The following HIVEP3 variants were observed in gnomAD, a reference collection of about 807,000 sequenced individuals.
The protein encoded by HIVEP3 is transcription factor HIVEP3.
HIVEP3 carries 49 observed loss-of-function variants against 152.8 expected under a neutral mutation model. The ratio of observed to expected loss-of-function variants is 0.32; its 90% CI spans 0.26 to 0.41. HIVEP3 has a LOEUF of 0.41. HIVEP3 is among the 10% of genes least tolerant of loss of function. The probability of loss-of-function intolerance (pLI) is 1.00; values close to 1 mark genes in which losing one functional copy is unlikely to be tolerated. For synonymous variants in HIVEP3, 1,269 were observed against 1,289.0 expected (o/e 0.98, Z 0.33); for missense variants, 2,790 against 3,103.3 (o/e 0.90, Z 2.40).
intron 5 of HIVEP3, among the ~76,000 whole-genome samples, chr1:41,564,542 G>T (rs997394122): frequency 6.6e-6 from 1 of 152,132 alleles, no homozygotes; most frequent in African/African-American, 2.4e-5. Context: ...CCTAAGACAG[G>T]ACCCTAAAGA....
In HIVEP3 at chr1:41,732,557, G is replaced by T. The variant is rs569195324; in HGVS notation, c.-800-31562C>A. Among the ~76,000 whole-genome samples the T allele has an allele frequency of 1.8e-3, 280 of 152,132 alleles. 1 individual carries two copies. The highest frequency in any genetic ancestry group is 3.5e-3 in the South Asian group (17 of 4,824). ...AGGCAGGGGAAAGTAGCCTTGGGGTGGGGGGTGACAAAGGCCCTGCCTGAG... is the reference window on the plus strand; with the variant it reads ...AGGCAGGGGAAAGTAGCCTTGGGGTTGGGGGTGACAAAGGCCCTGCCTGAG... On this transcript the variant is annotated intron_variant, in intron 1 of 8. Transcript: ENST00000372583.
At chr1:41,633,419 T>G (rs1179970756) in intron 2 of HIVEP3, among the ~76,000 whole-genome samples, 1 of 151,894 alleles carries the variant, frequency 6.6e-6, no homozygotes, top group Admixed American at 6.6e-5. Context: ...CGGGCTGGAG[T>G]GGGGTCCTGA....
chr1:41,776,186 A>T (rs911506331), intron 1 of HIVEP3, among the ~76,000 whole-genome samples: 6 of 152,256 alleles, frequency 3.9e-5, no homozygotes, highest in Non-Finnish European at 5.9e-5. Context: ...CCATAAAAGA[A>T]AATCTTGTGG....
At chr1:41,609,039 A>G (rs554348204) in intron 3 of HIVEP3, among the ~76,000 whole-genome samples, 1 of 151,996 alleles carries the variant, frequency 6.6e-6, no homozygotes, top group East Asian at 1.9e-4. Context: ...AGCCTGGGCA[A>G]CAAGAGTGAA....
chr1:41,627,499 C>A (rs1311320860), intron 3 of HIVEP3, among the ~76,000 whole-genome samples: 1 of 152,138 alleles, frequency 6.6e-6, no homozygotes, highest in Non-Finnish European at 1.5e-5. Context: ...CTCAGGAGAA[C>A]CCTGGTCTAG....
intron 1 of HIVEP3, among the ~76,000 whole-genome samples, chr1:41,903,160 G>T (rs990990881): frequency 6.6e-6 from 1 of 152,162 alleles, no homozygotes; most frequent in African/African-American, 2.4e-5. Context: ...CCAACTCTGT[G>T]CTAGAAATGA....
At chr1:41,715,657 G>A (rs879469408) in intron 1 of HIVEP3, among the ~76,000 whole-genome samples, 2 of 152,214 alleles carry the variant, frequency 1.3e-5, no homozygotes, top group Non-Finnish European at 2.9e-5. Flanking sequence ...TCAGACTGGG[G>A]TCCCCAGGCC....
At chr1:42,025,833 G>A (rs925953320) in intron 1 of HIVEP3, among the ~76,000 whole-genome samples, 1 of 152,182 alleles carries the variant, frequency 6.6e-6, no homozygotes, top group Non-Finnish European at 1.5e-5. Flanking sequence ...ACTTTGGGAG[G>A]CTGAGCAGAA....
chr1:41,531,042 T>C (rs748132640), intron 5 of HIVEP3, among the ~76,000 whole-genome samples: 24 of 148,426 alleles, frequency 1.6e-4, no homozygotes, highest in Non-Finnish European at 2.8e-4. Flanking sequence ...ACAGGAGAGA[T>C]GGAGAATGGG....
At chr1:42,030,654 T>C (rs377346269) in intron 1 of HIVEP3, among the ~76,000 whole-genome samples, 26 of 152,284 alleles carry the variant, frequency 1.7e-4, no homozygotes, top group African/African-American at 6.3e-4. Flanking sequence ...CACATGTCGA[T>C]TATCGGTTTT....
At chr1:41,887,653 C>T (rs1644367806) in intron 1 of HIVEP3, among the ~76,000 whole-genome samples, 1 of 152,208 alleles carries the variant, frequency 6.6e-6, no homozygotes, top group Non-Finnish European at 1.5e-5. Context: ...GCACATGTGG[C>T]TTCTACCTCA....
intron 2 of HIVEP3, among the ~76,000 whole-genome samples, chr1:41,651,411 CAAAA>C (rs35508121): frequency 1.1e-5 from 1 of 89,042 alleles, no homozygotes. Flanking sequence ...AACTCCATCT[CAAAA>C]AAAAAAAAAA....
At chr1:42,016,389 C>T (rs903515878) in intron 1 of HIVEP3, among the ~76,000 whole-genome samples, 2 of 151,938 alleles carry the variant, frequency 1.3e-5, no homozygotes, top group African/African-American at 4.8e-5. Flanking sequence ...AATATACAGA[C>T]AAAATTTAAT....
intron 1 of HIVEP3, among the ~76,000 whole-genome samples, chr1:41,977,753 C>T (rs1375356893): frequency 6.6e-6 from 1 of 152,206 alleles, no homozygotes. Context: ...TTCCTTCCAA[C>T]ACCCAAAGGC....
intron 1 of HIVEP3, among the ~76,000 whole-genome samples, chr1:41,818,610 T>C (rs1383761183): frequency 6.6e-6 from 1 of 152,170 alleles, no homozygotes; most frequent in Non-Finnish European, 1.5e-5. Context: ...TTGGAAGCAG[T>C]GGCCTGAAAG....
At chr1:41,766,158 T>A (rs745746232) in intron 1 of HIVEP3, among the ~76,000 whole-genome samples, 26 of 152,354 alleles carry the variant, frequency 1.7e-4, no homozygotes, top group South Asian at 1.7e-3. Flanking sequence ...ATACTCACTG[T>A]CTGAAGACCA....
At chr1:41,652,366 G>A (rs1645563834) in intron 2 of HIVEP3, among the ~76,000 whole-genome samples, 1 of 152,180 alleles carries the variant, frequency 6.6e-6, no homozygotes, top group African/African-American at 2.4e-5. Context: ...GTAAGAAACT[G>A]AAGTCCAGTT....
At chr1:41,645,350 G>T (rs1220685804) in intron 2 of HIVEP3, among the ~76,000 whole-genome samples, 7 of 152,218 alleles carry the variant, frequency 4.6e-5, no homozygotes, top group Non-Finnish European at 1.0e-4. Context: ...CCCTAGAAGA[G>T]AAGGAAGTAG....
chr1:41,733,623 G>A (rs1316629718), intron 1 of HIVEP3, among the ~76,000 whole-genome samples: 1 of 152,240 alleles, frequency 6.6e-6, no homozygotes, highest in African/African-American at 2.4e-5. Context: ...TTGGGGCGTT[G>A]CCCTGGGAGA....
Sources: allele counts gnomAD v4.1 joint callset (sites outside exome capture counted in the v4.1 genomes callset), GRCh38; gene constraint gnomAD v4.1.1; transcripts MANE v1.5; gene names NCBI Gene and HGNC (gene_info 2026-07-23, HGNC 2026-07-21).